BCAR3: variants seen among roughly 807,000 people sequenced by gnomAD.
BCAR3 encodes breast cancer anti-estrogen resistance protein 3.
BCAR3 carries 37 observed loss-of-function variants against 80.1 expected under a neutral mutation model. That is an observed-to-expected ratio of 0.46 (90% confidence interval 0.36 to 0.61). The LOEUF is 0.61. BCAR3 is among the 20% of genes least tolerant of loss of function. The pLI, the probability that BCAR3 is intolerant of heterozygous loss-of-function variation, is 0.00. For missense variants in BCAR3, 978 were observed against 1,068.2 expected, an observed-to-expected ratio of 0.92 and a Z score of 1.18; for synonymous variants, 389 against 418.9, an observed-to-expected ratio of 0.93 and a Z score of 0.87.
chr1:93,573,615 AT>A (rs919862286), intron 8 of BCAR3, among the ~76,000 whole-genome samples: 7 of 129,800 alleles, frequency 5.4e-5, no homozygotes, highest in African/African-American at 2.1e-4. Context: ...TATTTTTATT[AT>A]TATTATTATT....
intron 2 of BCAR3, among the ~76,000 whole-genome samples, chr1:93,800,907 T>C (rs1343234682): frequency 6.6e-6 from 1 of 152,196 alleles, no homozygotes; most frequent in Non-Finnish European, 1.5e-5. Context: ...TATATCCCTA[T>C]CATTTGAACT....
intron 2 of BCAR3, among the ~76,000 whole-genome samples, chr1:93,818,841 C>G (rs543138789): frequency 3.9e-5 from 6 of 152,198 alleles, no homozygotes; most frequent in African/African-American, 1.4e-4. Flanking sequence ...TAAGGAGGCA[C>G]TGGAATACAG....
intron 1 of BCAR3, among the ~76,000 whole-genome samples, chr1:93,675,845 A>G (rs1008521551): frequency 2.0e-5 from 3 of 151,314 alleles, no homozygotes; most frequent in African/African-American, 7.3e-5. Flanking sequence ...TCCAGCTCCA[A>G]AGCAAACTAT....
chr1:93,699,177 G>A (rs961319260), intron 3 of BCAR3, among the ~76,000 whole-genome samples: 4 of 152,168 alleles, frequency 2.6e-5, no homozygotes, highest in Non-Finnish European at 5.9e-5. Context: ...AACCCTGGTC[G>A]GCCAGTAAAC....
At chr1:93,794,276 ATGTG>A (rs1178169886) in intron 2 of BCAR3, among the ~76,000 whole-genome samples, 8 of 58,768 alleles carry the variant, frequency 1.4e-4, no homozygotes, top group African/African-American at 5.1e-4. Flanking sequence ...CCCATTATTA[ATGTG>A]TGGGAGTTTA....
chr1:93,761,081 T>C (rs1373329404), intron 2 of BCAR3, among the ~76,000 whole-genome samples: 1 of 152,010 alleles, frequency 6.6e-6, no homozygotes, highest in African/African-American at 2.4e-5. Context: ...TTAACACAAA[T>C]ATGGAAAGCA....
At chr1:93,622,260 A>G (rs2101891144) in intron 3 of BCAR3, among the ~76,000 whole-genome samples, 1 of 152,332 alleles carries the variant, frequency 6.6e-6, no homozygotes, top group East Asian at 1.9e-4. Flanking sequence ...TCACACTAGG[A>G]GAGGAGTATT....
At chr1:93,695,416 C>T (rs1482631209) in intron 3 of BCAR3, among the ~76,000 whole-genome samples, 2 of 152,196 alleles carry the variant, frequency 1.3e-5, no homozygotes, top group South Asian at 2.1e-4. Context: ...GTCAACCTCT[C>T]CACCTGTCTC....
At chr1:93,724,171 A>C (rs1199873511) in intron 2 of BCAR3, among the ~76,000 whole-genome samples, 1 of 152,286 alleles carries the variant, frequency 6.6e-6, no homozygotes, top group East Asian at 1.9e-4. Flanking sequence ...GGAGCCACAG[A>C]GGGGAGCCCC....
At chr1:93,624,394 A>G (rs1675398623) in intron 3 of BCAR3, among the ~76,000 whole-genome samples, 1 of 152,150 alleles carries the variant, frequency 6.6e-6, no homozygotes, top group Non-Finnish European at 1.5e-5. Context: ...TCACATTCAA[A>G]TCTTCCCAAA....
intron 3 of BCAR3, among the ~76,000 whole-genome samples, chr1:93,703,570 A>T (rs1298297449): frequency 5.0e-5 from 2 of 40,060 alleles, no homozygotes; most frequent in African/African-American, 6.5e-5. Flanking sequence ...GTCTCTTAAA[A>T]AGAAAAAAAA....
intron 2 of BCAR3, among the ~76,000 whole-genome samples, chr1:93,829,243 C>T (rs1654476562): frequency 6.6e-6 from 1 of 152,044 alleles, no homozygotes; most frequent in Non-Finnish European, 1.5e-5. Context: ...GACTGGCTCT[C>T]CTACCCTAGT....
rs77740586 is a variant in BCAR3, at chr1:93,697,087, G to A, written c.-12+9005C>T. ...AGCAGCAGGACCACCCAGGTACAGC[G>A]CACCTCGAGCTCTGCCCCTCAAAGG... On this transcript the variant is annotated intron_variant, in intron 3 of 13. Transcript: ENST00000370244. Among the ~76,000 whole-genome samples the A allele has an allele frequency of 1.9e-3, 283 of 152,340 alleles. 2 individuals are homozygous for A. The highest frequency in any genetic ancestry group is 6.6e-3 in the African/African-American group (274 of 41,588).
At chr1:93,636,796 G>A (rs746943921) in intron 3 of BCAR3, among the ~76,000 whole-genome samples, 33 of 152,094 alleles carry the variant, frequency 2.2e-4, no homozygotes, top group Non-Finnish European at 3.2e-4. Flanking sequence ...GTGTGAAGAG[G>A]CCAAAAAGAA....
intron 2 of BCAR3, among the ~76,000 whole-genome samples, chr1:93,768,730 A>C (rs1018617650): frequency 9.2e-5 from 14 of 152,188 alleles, no homozygotes; most frequent in Non-Finnish European, 2.1e-4. Flanking sequence ...TATCGCAGGA[A>C]GTGGGGCTGG....
At chr1:93,691,820 C>T (rs992316200) in intron 3 of BCAR3, among the ~76,000 whole-genome samples, 22 of 152,116 alleles carry the variant, frequency 1.4e-4, no homozygotes, top group African/African-American at 4.8e-5. Context: ...AGTTCTCAGC[C>T]TTTTTTCTAA....
At chr1:93,581,056 G>A (rs1341503325) in intron 7 of BCAR3, among the ~76,000 whole-genome samples, 1 of 152,146 alleles carries the variant, frequency 6.6e-6, no homozygotes, top group African/African-American at 2.4e-5. Context: ...CAGCTACTCA[G>A]GAGGCTGAGG....
At chr1:93,662,555 T>C (rs928030683) in intron 2 of BCAR3, among the ~76,000 whole-genome samples, 6 of 152,186 alleles carry the variant, frequency 3.9e-5, no homozygotes, top group Admixed American at 1.3e-4. Context: ...GCCAATATTA[T>C]TGTCTAGAAG....
intron 2 of BCAR3, among the ~76,000 whole-genome samples, chr1:93,664,168 G>T (rs1647788045): frequency 6.6e-6 from 1 of 151,788 alleles, no homozygotes. Flanking sequence ...GCCCCAGGCT[G>T]GAGTGCAATG....
Sources: gnomAD v4.1 joint callset for allele counts (sites outside exome capture counted in the v4.1 genomes callset) on GRCh38, gnomAD v4.1.1 for gene constraint, MANE v1.5 for transcripts, NCBI Gene and HGNC (gene_info 2026-07-23, HGNC 2026-07-21) for gene names.